The following TBX20 variants were observed in gnomAD, a reference collection of about 807,000 sequenced individuals.
TBX20 encodes the protein T-box transcription factor TBX20.
Under a neutral mutation model 42.9 loss-of-function variants are expected in TBX20, and 8 were observed. That is an observed-to-expected ratio of 0.19 (90% confidence interval 0.11 to 0.34). The LOEUF (loss-of-function observed/expected upper bound fraction) is 0.34, where lower values mean the gene tolerates loss of function less well. TBX20 is among the 10% of genes least tolerant of loss of function. The pLI, the probability that TBX20 is intolerant of heterozygous loss-of-function variation, is 1.00. For synonymous variants in TBX20, 198 were observed against 222.8 expected (o/e 0.89, Z 0.99); for missense variants, 411 against 566.0 (o/e 0.73, Z 2.78).
Position 35,202,712 on chromosome 7 carries a change from G to A in TBX20, c.1062C>T (p.Ser354=). 6.3e-7 allele frequency: 1 copy of A among 1,597,112 alleles called. No individual in the cohort carries two copies. The highest frequency in any genetic ancestry group is 8.5e-7 in the Non-Finnish European group (1 of 1,171,636). ...LSLSSWVSSS[S]SFPGFQHPQS... ...GTGGGTGCTGAAACCCAGGAAAACT[G>A]GAAGAAGATGATACCCAGGAGCTGA... Residue 354 remains serine (S), a synonymous_variant, in exon 8 of 8, where the codon TCC becomes TCT. Coordinates refer to ENST00000408931, the MANE Select transcript of TBX20 (RefSeq NM_001077653.2).
chr7:35,202,825 G>T, intron 7 of TBX20, 55 bp from the exon 8 acceptor site: 4 of 1,517,538 alleles, frequency 2.6e-6, no homozygotes, highest in South Asian at 2.4e-5. Flanking sequence ...TACAGATCAA[G>T]AATTAAATTA....
intron 1 of TBX20, among the ~76,000 whole-genome samples, chr7:35,252,878 A>G (rs1790332390): frequency 1.3e-5 from 2 of 152,248 alleles, no homozygotes; most frequent in Non-Finnish European, 2.9e-5. Context: ...AACATAACTA[A>G]AAGTAGAGGA....
chr7:35,213,139 T>C (rs2128710877), intron 6 of TBX20, among the ~76,000 whole-genome samples: 1 of 152,332 alleles, frequency 6.6e-6, no homozygotes, highest in African/African-American at 2.4e-5. Flanking sequence ...GATTATTGTC[T>C]TTTGTTGCCT....
At chr7:35,221,386 T>C (rs113743885) in intron 6 of TBX20, among the ~76,000 whole-genome samples, 8 of 151,570 alleles carry the variant, frequency 5.3e-5, no homozygotes, top group African/African-American at 1.9e-4. Context: ...TTGTAAAGGC[T>C]CAATTATATT....
chr7:35,236,210 C>T (rs1789961757), intron 5 of TBX20, among the ~76,000 whole-genome samples: 1 of 151,870 alleles, frequency 6.6e-6, no homozygotes, highest in African/African-American at 2.4e-5. Flanking sequence ...GAAACTCTGA[C>T]TTGGATTTCA....
intron 5 of TBX20, among the ~76,000 whole-genome samples, chr7:35,238,496 G>A (rs981188709): frequency 6.6e-6 from 1 of 152,120 alleles, no homozygotes; most frequent in Non-Finnish European, 1.5e-5. Context: ...ACATCAATAA[G>A]GTTTCTTAAG....
At position 35,249,609 on chromosome 7, in the gene TBX20, C is replaced by T. The variant is rs1790264551; in HGVS notation, c.380+342G>A. 6.6e-6 allele frequency among the ~76,000 whole-genome samples: 1 copy of T among 152,220 alleles called. No homozygotes were observed. Among genetic ancestry groups the T allele is most frequent in the Non-Finnish European group, 1.5e-5 (1 of 68,036 alleles). On this transcript the variant is annotated intron_variant, in intron 2 of 7. Transcript: ENST00000408931. The surrounding 1 kb of genome is among the most constrained non-coding windows in gnomAD (Gnocchi z 4.3). The stretch of plus-strand genomic sequence containing the variant: ...CAGCAGCTCACCAGGCACCCAGGCA[C>T]AAATTCCTCCTCCTTCCAGATCCCG...
In TBX20 at chr7:35,245,567, A is replaced by G. The variant is rs892636560; in HGVS notation, c.546-510T>C. On this transcript the variant is annotated intron_variant, in intron 3 of 7. Coordinates refer to ENST00000408931, the MANE Select transcript of TBX20 (RefSeq NM_001077653.2). The stretch of plus-strand genomic sequence containing the variant: ...AAGTTTTAAAGTTTGTGTTCTTTGT[A>G]AATATAAGATGGAGCAATTTTAATA... Among the ~76,000 whole-genome samples the G allele has an allele frequency of 2.6e-3, 399 of 152,278 alleles. 6 individuals are homozygous for G. The highest frequency in any genetic ancestry group is 7.6e-4 in the Non-Finnish European group (52 of 68,022).
intron 1 of TBX20, 34 bp from the exon 2 acceptor site, chr7:35,250,237 C>T (rs763018606): frequency 6.2e-7 from 1 of 1,611,282 alleles, no homozygotes; most frequent in Admixed American, 1.7e-5. Context: ...TGACAGCTGA[C>T]ACTGTTCAAC....
At position 35,240,939 on chromosome 7, in the gene TBX20, A is replaced by C; in HGVS notation, c.753T>G (p.Phe251Leu). 1 of 1,613,848 alleles carries C rather than the reference A, an allele frequency of 6.2e-7. No homozygotes were observed. Among genetic ancestry groups the C allele is most frequent in the East Asian group, 2.2e-5 (1 of 44,874 alleles). ...ASLLNLKSEE[F>L]RTFIFPETVF... The stretch of plus-strand genomic sequence containing the variant: ...CTGTTTCTGGAAAGATGAAAGTTCT[A>C]AATTCTTCAGACTTCAGGTTGAGCA... Residue 251 changes from phenylalanine (F) to leucine (L), a missense_variant, in exon 5 of 8, where the codon TTT becomes TTG. Physicochemically the swap from Phe to Leu is conservative, Grantham distance 22. Around this residue, in one of 5 missense-constraint regions of TBX20, gnomAD observed 121 missense variants for 165.9 expected, o/e 0.73. Coordinates refer to ENST00000408931, the MANE Select transcript of TBX20 (RefSeq NM_001077653.2).
chr7:35,216,335 G>T (rs1452476054), intron 6 of TBX20, among the ~76,000 whole-genome samples: 1 of 152,132 alleles, frequency 6.6e-6, no homozygotes, highest in African/African-American at 2.4e-5. Flanking sequence ...GTGGTTAGGG[G>T]CATGTTTGCT....
At chr7:35,236,263 T>A (rs950946551) in intron 5 of TBX20, among the ~76,000 whole-genome samples, 1 of 151,184 alleles carries the variant, frequency 6.6e-6, no homozygotes, top group African/African-American at 2.4e-5. Flanking sequence ...TTAAGATATA[T>A]GAAAGTGGTC....
intron 3 of TBX20, among the ~76,000 whole-genome samples, chr7:35,246,603 C>G (rs1253793131): frequency 2.6e-5 from 4 of 152,050 alleles, no homozygotes; most frequent in African/African-American, 4.8e-5. Flanking sequence ...TAAGTAATAT[C>G]TTGCTTATTA....
chr7:35,250,066 T>C lies in TBX20; in HGVS notation c.265A>G (p.Thr89Ala). 1.2e-6 allele frequency: 2 copies of C among 1,613,560 alleles called. No individual in the cohort carries two copies. Among genetic ancestry groups the C allele is most frequent in the East Asian group, 4.5e-5 (2 of 44,862 alleles). The change falls in exon 2 of 8, where the codon ACC becomes GCC. Residue 89 changes from threonine to alanine, a missense_variant. Thr to Ala is a moderately conservative substitution (Grantham distance 58). Around this residue, in one of 5 missense-constraint regions of TBX20, gnomAD observed 114 missense variants for 128.0 expected, o/e 0.89. Coordinates refer to ENST00000408931, the MANE Select transcript of TBX20 (RefSeq NM_001077653.2). The part of the protein sequence containing the change: ...SLCTEPLIPT[T>A]PIIPSEEMAK... ...ATTTCCTCACTGGGGATGATGGGGG[T>C]GGTGGGGATCAGTGGCTCAGTGCAC...
At position 35,204,522 on chromosome 7, in the gene TBX20, G is replaced by A. The variant is rs113335362; in HGVS notation, c.951C>T (p.Tyr317=). 54 of 1,613,940 alleles carry A rather than the reference G, an allele frequency of 3.3e-5. No individual in the cohort carries two copies. The highest frequency in any genetic ancestry group is 2.7e-4 in the African/African-American group (20 of 74,900). ...CCCCCAAGACATCTTCTTCTCCTCC[G>A]TAGGTACGGATGGGTGAGCGTGCAT... is the stretch of plus-strand genomic sequence containing the variant. ...HSYARSPIRT[Y]GGEEDVLGDE... The change falls in exon 7 of 8, where the codon TAC becomes TAT. Residue 317 remains tyrosine (Y), a synonymous_variant. Transcript: ENST00000408931.
intron 3 of TBX20, among the ~76,000 whole-genome samples, chr7:35,247,112 G>A (rs1584358406): frequency 8.8e-6 from 1 of 114,188 alleles, no homozygotes. Flanking sequence ...CAGATAGGAA[G>A]AAAATGTATG....
At chr7:35,204,614 A>G (rs748794778) in intron 6 of TBX20, 32 bp from the exon 7 acceptor site, 147 of 1,533,582 alleles carry the variant, frequency 9.6e-5, no homozygotes, top group Non-Finnish European at 6.7e-5. Context: ...CAGGTTAAGT[A>G]AAATGTAAAG....
chr7:35,230,443 C>T (rs1789847388), intron 6 of TBX20, among the ~76,000 whole-genome samples: 1 of 152,092 alleles, frequency 6.6e-6, no homozygotes, highest in African/African-American at 2.4e-5. Context: ...TCCCATAGTT[C>T]CTGGCCAATG....
At chr7:35,222,446 C>T (rs1346800742) in intron 6 of TBX20, among the ~76,000 whole-genome samples, 1 of 152,122 alleles carries the variant, frequency 6.6e-6, no homozygotes, top group East Asian at 1.9e-4. Flanking sequence ...TATCAGTTAT[C>T]ATAATGCTTG....
Sources: allele counts gnomAD v4.1 joint callset (sites outside exome capture counted in the v4.1 genomes callset), GRCh38; gene constraint gnomAD v4.1.1; regional missense constraint gnomAD v4.1.1; non-coding constraint Gnocchi (gnomAD v3.1); transcripts MANE v1.5; gene names NCBI Gene and HGNC (gene_info 2026-07-23, HGNC 2026-07-21).